The following KCNQ5 variants were observed in gnomAD, a reference collection of about 807,000 sequenced individuals.
KCNQ5 encodes potassium voltage-gated channel subfamily Q member 5, also known as potassium voltage-gated channel subfamily KQT member 5.
Under a neutral mutation model 98.2 loss-of-function variants are expected in KCNQ5, and 30 were observed. The ratio of observed to expected loss-of-function variants is 0.31; its 90% CI spans 0.23 to 0.41. The LOEUF (loss-of-function observed/expected upper bound fraction) is 0.41. Ranked by LOEUF, KCNQ5 falls within the 10% of genes least tolerant of loss-of-function variation. The probability of loss-of-function intolerance (pLI) is 1.00; values close to 1 mark genes in which losing one functional copy is unlikely to be tolerated. For synonymous variants in KCNQ5, 458 were observed against 449.4 expected (o/e 1.02, Z -0.24); for missense variants, 835 against 1,182.5 (o/e 0.71, Z 4.31).
intron 3 of KCNQ5, among the ~76,000 whole-genome samples, chr6:73,069,631 A>C (rs1773219914): frequency 6.6e-6 from 1 of 152,126 alleles, no homozygotes; most frequent in African/African-American, 2.4e-5. Flanking sequence ...AAGTGTTATG[A>C]CAGGAGCATA....
chr6:72,965,186 A>G (rs1404654140), intron 1 of KCNQ5, among the ~76,000 whole-genome samples: 1 of 152,172 alleles, frequency 6.6e-6, no homozygotes, highest in Admixed American at 6.5e-5. Context: ...AAAGCACAAG[A>G]AGGCTGTGAT....
At chr6:72,744,587 G>T (rs1367107276) in intron 1 of KCNQ5, among the ~76,000 whole-genome samples, 2 of 152,130 alleles carry the variant, frequency 1.3e-5, no homozygotes, top group African/African-American at 2.4e-5. Flanking sequence ...AAGGTGGGCG[G>T]ATCACCTGAG....
chr6:72,827,231 A>T (rs896128401), intron 1 of KCNQ5, among the ~76,000 whole-genome samples: 1 of 152,102 alleles, frequency 6.6e-6, no homozygotes, highest in African/African-American at 2.4e-5. Context: ...TTTCCTTTGG[A>T]TAAGTTCCCA....
At position 73,150,008 on chromosome 6, in the gene KCNQ5, A is replaced by G. The variant is rs76495196; in HGVS notation, c.1468+16367A>G. 5.7e-3 allele frequency among the ~76,000 whole-genome samples: 553 copies of G among 96,636 alleles called. 1 individual carries two copies. The highest frequency in any genetic ancestry group is 0.017 in the Middle Eastern group (4 of 236). The allele number at this position is 96,636 out of a possible 152,430, so 63.4% of individuals were successfully genotyped here. A position where few individuals can be genotyped will look rare whatever the true frequency, so the allele number is the denominator to read the frequency against. On this transcript the variant is annotated intron_variant, in intron 10 of 13. Coordinates refer to ENST00000370398, the MANE Select transcript of KCNQ5 (RefSeq NM_019842.4). The stretch of plus-strand genomic sequence containing the variant: ...AAGAACCCTCAAAACACCACAGGGG[A>G]AAAAAAAAAAAACACCAGTTGAATA...
At chr6:72,672,152 A>G (rs1404159154) in intron 1 of KCNQ5, among the ~76,000 whole-genome samples, 15 of 138,406 alleles carry the variant, frequency 1.1e-4, no homozygotes, top group South Asian at 2.3e-4. Flanking sequence ...AGTCTACTCT[A>G]TCACCCTGGC....
chr6:73,061,286 GA>G (rs1248816290), intron 3 of KCNQ5, among the ~76,000 whole-genome samples: 1 of 152,110 alleles, frequency 6.6e-6, no homozygotes, highest in Non-Finnish European at 1.5e-5. Flanking sequence ...TGAGGATAGC[GA>G]ATGAGGACAG....
chr6:72,712,259 G>C (rs1166810787), intron 1 of KCNQ5, among the ~76,000 whole-genome samples: 1 of 152,116 alleles, frequency 6.6e-6, no homozygotes, highest in Admixed American at 6.6e-5. Context: ...AGAAGAGAAT[G>C]AACTTACAAA....
intron 1 of KCNQ5, among the ~76,000 whole-genome samples, chr6:72,731,699 A>G (rs1770561223): frequency 6.6e-6 from 1 of 152,176 alleles, no homozygotes; most frequent in African/African-American, 2.4e-5. Flanking sequence ...ACTTTCCAAG[A>G]AGTCCCACTC....
intron 1 of KCNQ5, among the ~76,000 whole-genome samples, chr6:72,953,558 C>A (rs1766905757): frequency 6.6e-6 from 1 of 152,220 alleles, no homozygotes; most frequent in South Asian, 2.1e-4. Context: ...TCCCTCCCCA[C>A]AGAATAAGAG....
chr6:72,839,015 C>T (rs1457400476), intron 1 of KCNQ5, among the ~76,000 whole-genome samples: 1 of 148,790 alleles, frequency 6.7e-6, no homozygotes, highest in African/African-American at 2.5e-5. Flanking sequence ...TTTGTTCTCA[C>T]CTAGGATTGC....
intron 1 of KCNQ5, among the ~76,000 whole-genome samples, chr6:72,865,196 C>CA (rs1421608715): frequency 1.3e-5 from 2 of 152,132 alleles, no homozygotes; most frequent in Admixed American, 6.6e-5. Flanking sequence ...GACCTCAATC[C>CA]AAAATCCTCC....
chr6:73,004,818 T>A (rs1182384979), intron 2 of KCNQ5, among the ~76,000 whole-genome samples: 1 of 152,230 alleles, frequency 6.6e-6, no homozygotes, highest in Non-Finnish European at 1.5e-5. Flanking sequence ...AGCTCACTGT[T>A]TCTGTAAAGC....
At chr6:73,009,911 G>A (rs140638568) in intron 2 of KCNQ5, among the ~76,000 whole-genome samples, 1 of 152,068 alleles carries the variant, frequency 6.6e-6, no homozygotes, top group Non-Finnish European at 1.5e-5. Flanking sequence ...AAGAAGCCCA[G>A]GATCTGATGG....
chr6:72,898,220 G>A (rs1779327984), intron 1 of KCNQ5, among the ~76,000 whole-genome samples: 1 of 152,036 alleles, frequency 6.6e-6, no homozygotes, highest in Non-Finnish European at 1.5e-5. Context: ...TGTTACATAG[G>A]TATATGTGTG....
At chr6:72,779,136 C>A (rs1773317522) in intron 1 of KCNQ5, among the ~76,000 whole-genome samples, 3 of 152,096 alleles carry the variant, frequency 2.0e-5, no homozygotes, top group South Asian at 4.1e-4. Flanking sequence ...GACTCTTGAT[C>A]TTGTCTGTTT....
chr6:73,091,756 T>G lies in KCNQ5; in HGVS notation c.919-13501T>G, dbSNP rs985596720. On this transcript the variant is annotated intron_variant, in intron 5 of 13. Transcript: ENST00000370398. ...TGTTGTTGTTGTTTGGTTGGTTGGG[T>G]TTTTTGTTGGTTTATTTGTTTGTTT... is the stretch of plus-strand genomic sequence containing the variant. Among the ~76,000 whole-genome samples the G allele has an allele frequency of 4.7e-3, 174 of 36,950 alleles. 1 individual carries two copies. Among genetic ancestry groups the G allele is most frequent in the African/African-American group, 8.0e-3 (159 of 19,902 alleles). The allele number at this position is 36,950 out of a possible 152,430, so 24.2% of individuals were successfully genotyped here.
intron 10 of KCNQ5, chr6:73,134,682 A>G (rs937888001): frequency 5.9e-5 from 9 of 152,382 alleles, no homozygotes; most frequent in African/African-American, 1.9e-4. Flanking sequence ...TGTGGGTGCC[A>G]TGCTCTTCAG....
chr6:72,646,023 C>T (rs1765578005), intron 1 of KCNQ5, among the ~76,000 whole-genome samples: 1 of 151,950 alleles, frequency 6.6e-6, no homozygotes, highest in Non-Finnish European at 1.5e-5. Flanking sequence ...AGCTGACTGA[C>T]AGTAAATCAA....
chr6:73,079,647 T>C (rs9446833), intron 5 of KCNQ5, among the ~76,000 whole-genome samples: 31,147 of 152,232 alleles, frequency 0.2, 6,992 homozygotes, highest in African/African-American at 0.56. Context: ...GATTATGCCA[T>C]TGGTTTCAAA....
Sources: gnomAD v4.1 joint callset for allele counts (sites outside exome capture counted in the v4.1 genomes callset) on GRCh38, gnomAD v4.1.1 for gene constraint, MANE v1.5 for transcripts, NCBI Gene and HGNC (gene_info 2026-07-23, HGNC 2026-07-21) for gene names.